NCKAP5: variants seen among roughly 807,000 people sequenced by gnomAD.
NCKAP5 encodes the protein NCK associated protein 5.
NCKAP5 carries 92 observed loss-of-function variants against 167.0 expected under a neutral mutation model. The ratio of observed to expected loss-of-function variants is 0.55; its 90% CI spans 0.47 to 0.66. NCKAP5 has a LOEUF of 0.66. Among genes scored for constraint, NCKAP5 ranks in the 30% least tolerant of loss-of-function variants. The pLI, the probability that NCKAP5 is intolerant of heterozygous loss-of-function variation, is 0.00. For synonymous variants in NCKAP5, 891 were observed against 877.4 expected (o/e 1.02, Z -0.27); for missense variants, 2,378 against 2,315.0 (o/e 1.03, Z -0.56).
intron 12 of NCKAP5, among the ~76,000 whole-genome samples, chr2:132,794,497 A>C (rs1468018511): frequency 6.6e-6 from 1 of 151,486 alleles, no homozygotes; most frequent in South Asian, 2.1e-4. Context: ...TTAGCCAGGC[A>C]TGGTGGTGTG....
At chr2:133,307,218 G>T (rs1680842240) in intron 3 of NCKAP5, among the ~76,000 whole-genome samples, 1 of 152,106 alleles carries the variant, frequency 6.6e-6, no homozygotes, top group African/African-American at 2.4e-5. Flanking sequence ...GTCCTGAGGA[G>T]GATAAACTTA....
At position 133,205,324 on chromosome 2, in the gene NCKAP5, CAGAT is replaced by C. The variant is rs1034494299; in HGVS notation, c.207+8388_207+8391del. ...ATAGATAGATAGATAGATAGACAGA[CAGAT>C]AGATAAAGATAGATAGACAGGCAGA... On this transcript the variant is annotated intron_variant, in intron 5 of 19. Transcript: ENST00000409261. Among the ~76,000 whole-genome samples the C allele has an allele frequency of 4.9e-3, 364 of 74,268 alleles. 2 individuals carry two copies. Among genetic ancestry groups the C allele is most frequent in the African/African-American group, 0.013 (291 of 22,062 alleles). The allele number at this position is 74,268 out of a possible 152,430, so 48.7% of individuals were successfully genotyped here. A position where few individuals can be genotyped will look rare whatever the true frequency, so the allele number is the denominator to read the frequency against.
chr2:133,375,508 G>A (rs1686083171), intron 3 of NCKAP5, among the ~76,000 whole-genome samples: 1 of 152,220 alleles, frequency 6.6e-6, no homozygotes, highest in African/African-American at 2.4e-5. Flanking sequence ...TGTGTGTCAT[G>A]AGGGTTTGCT....
In NCKAP5 at chr2:133,366,624, T is replaced by C. The variant is rs560764603; in HGVS notation, c.70-63514A>G. Reference sequence around the variant, plus strand: ...GCCTTAAAAAAATATTTGAATCAAATATTGGCAACTAAATAAATATGTTTG... The same window carrying C: ...GCCTTAAAAAAATATTTGAATCAAACATTGGCAACTAAATAAATATGTTTG... On this transcript the variant is annotated intron_variant, in intron 3 of 19. Coordinates refer to ENST00000409261, the MANE Select transcript of NCKAP5 (RefSeq NM_207363.3). Among the ~76,000 whole-genome samples, 66 of 152,302 alleles carry C rather than the reference T, an allele frequency of 4.3e-4. 1 individual carries two copies. Among genetic ancestry groups the C allele is most frequent in the African/African-American group, 1.3e-3 (56 of 41,566 alleles).
chr2:133,037,872 G>T (rs1209146813), intron 6 of NCKAP5, among the ~76,000 whole-genome samples: 2 of 152,144 alleles, frequency 1.3e-5, no homozygotes, highest in Admixed American at 1.3e-4. Context: ...TGGAATGGGA[G>T]AAAATATCTA....
intron 12 of NCKAP5, among the ~76,000 whole-genome samples, chr2:132,796,052 G>A (rs1684579569): frequency 6.6e-6 from 1 of 152,026 alleles, no homozygotes; most frequent in Non-Finnish European, 1.5e-5. Flanking sequence ...TATCTACACT[G>A]ATGGAATTAT....
chr2:132,827,078 C>T (rs1687176184), intron 11 of NCKAP5, among the ~76,000 whole-genome samples: 1 of 152,160 alleles, frequency 6.6e-6, no homozygotes, highest in Admixed American at 6.6e-5. Context: ...TGGTAAATGT[C>T]ATGAGTGTCT....
chr2:133,638,363 G>A, the NCKAP5 span, among the ~76,000 whole-genome samples: 1 of 152,064 alleles, frequency 6.6e-6, no homozygotes, highest in Non-Finnish European at 1.5e-5. Context: ...TTTCACCAGG[G>A]AAGAGATAGT....
At chr2:133,279,049 T>C (rs1049621244) in intron 4 of NCKAP5, among the ~76,000 whole-genome samples, 1 of 152,218 alleles carries the variant, frequency 6.6e-6, no homozygotes, top group African/African-American at 2.4e-5. Flanking sequence ...TGCAGTCTTA[T>C]ACATTGCTGG....
intron 5 of NCKAP5, among the ~76,000 whole-genome samples, chr2:133,175,538 T>C (rs769168893): frequency 1.1e-4 from 16 of 152,186 alleles, no homozygotes; most frequent in Non-Finnish European, 2.1e-4. Flanking sequence ...CAGATTTTTT[T>C]TTGGTGGTGA....
chr2:133,559,580 G>A (rs2105010386), intron 1 of NCKAP5, among the ~76,000 whole-genome samples: 1 of 152,246 alleles, frequency 6.6e-6, no homozygotes, highest in South Asian at 2.1e-4. Flanking sequence ...ACATCAGCCT[G>A]AGTCACTGAG....
intron 8 of NCKAP5, among the ~76,000 whole-genome samples, chr2:132,898,921 T>C (rs1371666742): frequency 6.6e-6 from 1 of 152,194 alleles, no homozygotes; most frequent in Non-Finnish European, 1.5e-5. Context: ...TATATGAGCA[T>C]TGGCTTCAAC....
chr2:133,149,836 T>C (rs2083323296), intron 5 of NCKAP5, among the ~76,000 whole-genome samples: 1 of 152,164 alleles, frequency 6.6e-6, no homozygotes, highest in Admixed American at 6.6e-5. Context: ...AATCATTCTA[T>C]TTTGTGTCTC....
chr2:133,168,788 A>C (rs1006237058), intron 5 of NCKAP5, among the ~76,000 whole-genome samples: 1 of 152,124 alleles, frequency 6.6e-6, no homozygotes, highest in Admixed American at 6.6e-5. Context: ...ATAAGGTCAC[A>C]TTTGTTCTTT....
Position 132,973,350 on chromosome 2 carries a change from C to T in NCKAP5, c.430-9481G>A, listed in dbSNP as rs569680773. Among the ~76,000 whole-genome samples, 5 of 152,342 alleles carry T rather than the reference C, an allele frequency of 3.3e-5. No homozygotes were observed. In the South Asian group the frequency reaches 1.0e-3, roughly 32 times the overall value. On this transcript the variant is annotated intron_variant, in intron 7 of 19. Coordinates refer to ENST00000409261, the MANE Select transcript of NCKAP5 (RefSeq NM_207363.3). Reference sequence around the variant, plus strand: ...CTATTCTTCTCCAGGGTAGAGACATCTAGCCCCATTTTCAGTAAGCCTTAG... The same window carrying T: ...CTATTCTTCTCCAGGGTAGAGACATTTAGCCCCATTTTCAGTAAGCCTTAG...
intron 19 of NCKAP5, among the ~76,000 whole-genome samples, chr2:132,723,665 C>T (rs564770019): frequency 3.9e-5 from 6 of 152,172 alleles, no homozygotes; most frequent in African/African-American, 7.2e-5. Flanking sequence ...GCACTGGCTG[C>T]GTTTCAGGTG....
the NCKAP5 span, among the ~76,000 whole-genome samples, chr2:133,662,619 C>T: frequency 1.5e-5 from 2 of 137,356 alleles, no homozygotes; most frequent in African/African-American, 2.6e-5. Context: ...AAAGTAATTG[C>T]GGTTTTGAAA....
intron 3 of NCKAP5, among the ~76,000 whole-genome samples, chr2:133,508,806 G>T (rs1683242738): frequency 6.6e-6 from 1 of 152,248 alleles, no homozygotes; most frequent in African/African-American, 2.4e-5. Flanking sequence ...ATGACAAACA[G>T]ATCTTGGAGC....
At chr2:133,299,004 G>A (rs758260317) in intron 4 of NCKAP5, among the ~76,000 whole-genome samples, 18 of 151,616 alleles carry the variant, frequency 1.2e-4, no homozygotes, top group Non-Finnish European at 1.8e-4. Context: ...TTGTGCACAT[G>A]TACCCTAGAA....
Sources: gnomAD v4.1 joint callset for allele counts (sites outside exome capture counted in the v4.1 genomes callset) on GRCh38, gnomAD v4.1.1 for gene constraint, MANE v1.5 for transcripts, NCBI Gene and HGNC (gene_info 2026-07-23, HGNC 2026-07-21) for gene names.